PIK3C2A: variants seen among roughly 807,000 people sequenced by gnomAD.
The protein encoded by PIK3C2A is phosphatidylinositol 4-phosphate 3-kinase C2 domain-containing subunit alpha.
PIK3C2A carries 97 observed loss-of-function variants against 204.5 expected under a neutral mutation model. That is an observed-to-expected ratio of 0.47 (90% CI 0.40 to 0.56). The LOEUF is 0.56. Ranked by LOEUF, PIK3C2A falls within the 20% of genes least tolerant of loss-of-function variation. PIK3C2A has a pLI of 0.00. For missense variants in PIK3C2A, 1,735 were observed against 1,969.2 expected, an observed-to-expected ratio of 0.88 and a Z score of 2.25; for synonymous variants, 653 against 664.4, an observed-to-expected ratio of 0.98 and a Z score of 0.26.
Position 17,150,675 on chromosome 11 carries a change from A to G in PIK3C2A, c.1170-20T>C, listed in dbSNP as rs1188163433. 6.4e-7 allele frequency: 1 copy of G among 1,554,254 alleles called. No homozygotes were observed. Among genetic ancestry groups the G allele is most frequent in the East Asian group, 2.3e-5 (1 of 43,122 alleles). On this transcript the variant is annotated intron_variant, in intron 3 of 32. Coordinates refer to ENST00000691414, the MANE Select transcript of PIK3C2A (RefSeq NM_002645.4). Reference sequence around the variant, plus strand: ...TTCAATCTGTTCACAAGAAAGAAGAAATTAAATTCTTTTTTAAAAAAACTT... The same window carrying G: ...TTCAATCTGTTCACAAGAAAGAAGAGATTAAATTCTTTTTTAAAAAAACTT...
rs1849676695 is a variant in PIK3C2A at position 17,130,999 on chromosome 11, C to T, written c.2231+917G>A. ...GTCAGGAGTTCAAGACCAGCCTGGCCAACATGGTGAAACCCCAACTCTACT... is the reference window on the plus strand; with the variant it reads ...GTCAGGAGTTCAAGACCAGCCTGGCTAACATGGTGAAACCCCAACTCTACT... On this transcript the variant is annotated intron_variant, in intron 12 of 32. Coordinates refer to ENST00000691414, the MANE Select transcript of PIK3C2A (RefSeq NM_002645.4). Among the ~76,000 whole-genome samples the T allele has an allele frequency of 2.6e-5, 4 of 151,746 alleles. No homozygotes were observed. The South Asian group carries it at 8.3e-4, about 32-fold the overall frequency.
In PIK3C2A at chr11:17,134,994, T is replaced by C; in HGVS notation, c.1933A>G (p.Ile645Val). ...LNPENPVQVS[I>V]NQLTAAIYDL... is the part of the protein sequence containing the mutation. ...TAAATTGCTGCAGTTAATTGGTTTA[T>C]GCTTACTTGAACAGGATTTTCAGGA... is the stretch of plus-strand genomic sequence containing the variant. Residue 645 changes from isoleucine (I) to valine (V), a missense_variant, in exon 11 of 33, where the codon ATA (isoleucine) becomes GTA (valine). Transcript: ENST00000691414. 4.3e-6 allele frequency: 7 copies of C among 1,614,146 alleles called. No individual in the cohort carries two copies. The highest frequency in any genetic ancestry group is 5.9e-6 in the Non-Finnish European group (7 of 1,179,980).
chr11:17,175,610 C>T (rs528671712), intron 1 of PIK3C2A, among the ~76,000 whole-genome samples: 1 of 152,274 alleles, frequency 6.6e-6, no homozygotes, highest in East Asian at 1.9e-4. Flanking sequence ...TTGAATGAGG[C>T]CTGCACATCA....
intron 19 of PIK3C2A, among the ~76,000 whole-genome samples, chr11:17,117,185 G>T (rs1849222450): frequency 6.6e-6 from 1 of 152,134 alleles, no homozygotes; most frequent in Admixed American, 6.6e-5. Context: ...TTTCTTTTTG[G>T]TGTGATGAAA....
At chr11:17,102,306 G>A (rs180800516) in intron 24 of PIK3C2A, among the ~76,000 whole-genome samples, 6,296 of 152,066 alleles carry the variant, frequency 0.041, 610 homozygotes, top group East Asian at 0.34. Context: ...GCGTGGTGGC[G>A]GGCGCCTGTA....
At chr11:17,121,010 G>C (rs973954921) in intron 15 of PIK3C2A, among the ~76,000 whole-genome samples, 1 of 152,060 alleles carries the variant, frequency 6.6e-6, no homozygotes, top group Non-Finnish European at 1.5e-5. Context: ...GAGCCACCAC[G>C]TTCAGCCTAC....
At chr11:17,173,002 A>G (rs1851227699) in intron 1 of PIK3C2A, among the ~76,000 whole-genome samples, 1 of 152,194 alleles carries the variant, frequency 6.6e-6, no homozygotes, top group Non-Finnish European at 1.5e-5. Context: ...TCTTTTCTTT[A>G]CACATTCTGC....
rs757056019 is a variant in PIK3C2A at position 17,119,684 on chromosome 11, T to C, written c.2846+102A>G. 1.8e-4 allele frequency: 119 copies of C among 677,258 alleles called. 1 individual carries two copies. Among genetic ancestry groups the C allele is most frequent in the Middle Eastern group, 2.6e-4 (1 of 3,774 alleles). The allele number at this position is 677,258 out of a possible 1,614,324, so 42.0% of individuals were successfully genotyped here. On this transcript the variant is annotated intron_variant, in intron 16 of 32. Coordinates refer to ENST00000691414, the MANE Select transcript of PIK3C2A (RefSeq NM_002645.4). Reference sequence around the variant, plus strand: ...TATACATTTACACATTTGGATTATATTGAATTGCTTTCATGTTAAAAGGAA... The same window carrying C: ...TATACATTTACACATTTGGATTATACTGAATTGCTTTCATGTTAAAAGGAA...
At chr11:17,138,167 T>A in intron 8 of PIK3C2A, 1 of 861,052 alleles carries the variant, frequency 1.2e-6, no homozygotes, top group Admixed American at 1.7e-5. Context: ...CACGAACCCC[T>A]CAAAGTCTAC....
chr11:17,141,016 C>T (rs1565269480), intron 8 of PIK3C2A, among the ~76,000 whole-genome samples: 1 of 151,972 alleles, frequency 6.6e-6, no homozygotes, highest in Non-Finnish European at 1.5e-5. Context: ...GGGAACATAA[C>T]TGGCAGATAA....
intron 19 of PIK3C2A, among the ~76,000 whole-genome samples, 168 bp from the exon 20 acceptor site, chr11:17,114,633 G>A (rs1849120834): frequency 6.6e-6 from 1 of 152,196 alleles, no homozygotes; most frequent in African/African-American, 2.4e-5. Context: ...ATGGCCAAAG[G>A]CTATAAATAT....
Position 17,169,207 on chromosome 11 carries a change from A to C in PIK3C2A, c.535T>G (p.Phe179Val), listed in dbSNP as rs1169378885. 1.9e-6 allele frequency: 3 copies of C among 1,614,002 alleles called. No individual in the cohort carries two copies. The highest frequency in any genetic ancestry group is 1.3e-5 in the African/African-American group (1 of 74,918). ...AAATATATAGGTTCTGTAGATGGAA[A>C]AGTGGGCATTCTTGGATTGAAGCCA... is the stretch of plus-strand genomic sequence containing the variant. ...QNGFNPRMPT[F>V]PSTEPIYLSL... The change falls in exon 2 of 33, where the codon TTT (phenylalanine) becomes GTT (valine). Residue 179 changes from phenylalanine to valine, a missense_variant. Physicochemically the swap from Phe to Val is conservative, Grantham distance 50. This residue lies in a region of PIK3C2A where 536 missense variants were observed against 546.7 expected (regional missense o/e 0.98). Coordinates refer to ENST00000691414, the MANE Select transcript of PIK3C2A (RefSeq NM_002645.4).
intron 2 of PIK3C2A, among the ~76,000 whole-genome samples, chr11:17,159,705 G>A (rs1366931711): frequency 6.6e-6 from 1 of 152,174 alleles, no homozygotes; most frequent in East Asian, 1.9e-4. Flanking sequence ...GTATCTGTGA[G>A]GCACAGAACT....
chr11:17,183,327 T>TA (rs1447594017), intron 1 of PIK3C2A, among the ~76,000 whole-genome samples: 1 of 152,224 alleles, frequency 6.6e-6, no homozygotes, highest in African/African-American at 2.4e-5. Context: ...AGTATACTGT[T>TA]ATAATTATTC....
intron 1 of PIK3C2A, among the ~76,000 whole-genome samples, chr11:17,179,247 G>A (rs531371873): frequency 6.6e-6 from 1 of 152,222 alleles, no homozygotes; most frequent in South Asian, 2.1e-4. Context: ...CCGTAACCTA[G>A]AACTCCTGGG....
At chr11:17,145,110 G>A (rs904077461) in intron 8 of PIK3C2A, among the ~76,000 whole-genome samples, 1 of 152,032 alleles carries the variant, frequency 6.6e-6, no homozygotes, top group African/African-American at 2.4e-5. Context: ...GATTTGCCTT[G>A]TCTCAGATGA....
chr11:17,139,204 C>T (rs899005158), intron 8 of PIK3C2A, among the ~76,000 whole-genome samples: 22 of 150,452 alleles, frequency 1.5e-4, no homozygotes, highest in Non-Finnish European at 2.5e-4. Context: ...TGAGCCACCA[C>T]GCCCGGCCTA....
intron 22 of PIK3C2A, among the ~76,000 whole-genome samples, chr11:17,108,708 C>T (rs1848908421): frequency 2.0e-5 from 3 of 152,168 alleles, no homozygotes; most frequent in Admixed American, 2.0e-4. Flanking sequence ...TGACAACTTA[C>T]TGATTTTATT....
Position 17,150,560 on chromosome 11 carries a change from G to C in PIK3C2A, c.1265C>G (p.Ala422Gly). 2 of 1,611,420 alleles carry C rather than the reference G, an allele frequency of 1.2e-6. No individual in the cohort carries two copies. Among genetic ancestry groups the C allele is most frequent in the Non-Finnish European group, 1.7e-6 (2 of 1,178,642 alleles). The part of the protein sequence containing the change: ...TAQRNICGEN[A>G]SVKVSIDIEG... ...AATGTCAATGGAGACCTTCACACTA[G>C]CATTTTCTCCGCATATGTTTCTTTG... The change falls in exon 4 of 33, where the codon GCT becomes GGT. Residue 422 changes from alanine (A) to glycine (G), a missense_variant. Coordinates refer to ENST00000691414, the MANE Select transcript of PIK3C2A (RefSeq NM_002645.4).
Sources: allele counts gnomAD v4.1 joint callset (sites outside exome capture counted in the v4.1 genomes callset), GRCh38; gene constraint gnomAD v4.1.1; regional missense constraint gnomAD v4.1.1; transcripts MANE v1.5; gene names NCBI Gene and HGNC (gene_info 2026-07-23, HGNC 2026-07-21).